Variants in MS4A13 observed in about 807,000 individuals in gnomAD.
MS4A13 encodes membrane-spanning 4-domains subfamily A member 13.
Under a neutral mutation model 18.4 loss-of-function variants are expected in MS4A13, and 21 were observed. The ratio of observed to expected loss-of-function variants is 1.14; its 90% CI spans 0.81 to 1.64. The LOEUF is 1.64. MS4A13 is among the 40% of genes most tolerant of loss of function. The pLI, the probability that MS4A13 is intolerant of heterozygous loss-of-function variation, is 0.00. For synonymous variants in MS4A13, 62 were observed against 57.2 expected (o/e 1.08, Z -0.38); for missense variants, 173 against 176.8 (o/e 0.98, Z 0.12).
chr11:60,535,529 TC>T (rs1424435013), intron 6 of MS4A13, among the ~76,000 whole-genome samples: 1 of 126,304 alleles, frequency 7.9e-6, no homozygotes, highest in Non-Finnish European at 1.6e-5. Context: ...GTGGCAATAA[TC>T]AATAGTTTAC....
intron 6 of MS4A13, among the ~76,000 whole-genome samples, chr11:60,531,995 C>T (rs574545491): frequency 6.6e-6 from 1 of 152,128 alleles, no homozygotes. Context: ...AAAATTGCTA[C>T]CATATATTAT....
At position 60,515,458 on chromosome 11, in the gene MS4A13, T is replaced by G. The variant is rs1439059965; in HGVS notation, c.-278T>G. ...TCCTGGCTATCCCTGTGATGGTAGC[T>G]CAGCGAGATCTGGGGACCTGGCGCT... On this transcript the variant is annotated 5_prime_UTR_variant, in exon 1 of 7. Coordinates refer to ENST00000378186, the MANE Select transcript of MS4A13 (RefSeq NM_001012417.3). The G allele has an allele frequency of 6.6e-6, 1 of 152,282 alleles. No homozygotes were observed. The highest frequency in any genetic ancestry group is 2.4e-5 in the African/African-American group (1 of 41,462). The allele number at this position is 152,282 out of a possible 1,614,324, so 9.4% of individuals were successfully genotyped here.
rs60140970 is a variant in MS4A13 at position 60,538,177 on chromosome 11, T to TTAAA, written c.403-4342_403-4341insTAAA. Among the ~76,000 whole-genome samples, 269 of 75,086 alleles carry TTAAA rather than the reference T, an allele frequency of 3.6e-3. 5 individuals are homozygous for TTAAA. The highest frequency in any genetic ancestry group is 0.017 in the Middle Eastern group (2 of 116). The allele number at this position is 75,086 out of a possible 152,430, so 49.3% of individuals were successfully genotyped here. A position where few individuals can be genotyped will look rare whatever the true frequency, so the allele number is the denominator to read the frequency against. On this transcript the variant is annotated intron_variant, in intron 6 of 6. Transcript: ENST00000378186. ...ATGTACCCTAAAACTTAAAGTATAA[T>TTAAA]AAAAAAAAAAAAAACGAAAAAAAAA... is the stretch of plus-strand genomic sequence containing the variant.
At chr11:60,528,534 C>T (rs1475104273) in intron 5 of MS4A13, among the ~76,000 whole-genome samples, 1 of 152,094 alleles carries the variant, frequency 6.6e-6, no homozygotes, top group Non-Finnish European at 1.5e-5. Flanking sequence ...CATTGCATTC[C>T]TATCATCTAA....
At chr11:60,529,527 A>T in intron 6 of MS4A13, 67 bp downstream of exon 6, 1 of 820,806 alleles carries the variant, frequency 1.2e-6, no homozygotes, top group Non-Finnish European at 1.9e-6. Flanking sequence ...CTCTATGAGA[A>T]GATGAAGTGC....
chr11:60,525,060 G>A, intron 4 of MS4A13, 147 bp from the exon 5 acceptor site: 2 of 538,886 alleles, frequency 3.7e-6, no homozygotes, highest in East Asian at 7.2e-5. Context: ...ATATAAATCA[G>A]AAAAATATTT....
chr11:60,520,543 C>T (rs2086666992), intron 3 of MS4A13, among the ~76,000 whole-genome samples: 1 of 152,160 alleles, frequency 6.6e-6, no homozygotes, highest in Non-Finnish European at 1.5e-5. Context: ...GTCTAAAATC[C>T]AGTGGGGCAG....
intron 5 of MS4A13, among the ~76,000 whole-genome samples, chr11:60,527,400 C>CTGTGTGTG (rs1555024353): frequency 3.4e-3 from 289 of 83,768 alleles, no homozygotes; most frequent in Non-Finnish European, 4.5e-3. Context: ...CTCTCTCTCT[C>CTGTGTGTG]TCTCTCTCTC....
intron 4 of MS4A13, among the ~76,000 whole-genome samples, chr11:60,524,911 C>G (rs1302466159): frequency 6.6e-6 from 1 of 152,088 alleles, no homozygotes; most frequent in East Asian, 1.9e-4. Context: ...CCACCCGTCT[C>G]GGCCTCCCAA....
At chr11:60,541,998 G>A (rs971746337) in intron 6 of MS4A13, among the ~76,000 whole-genome samples, 4 of 151,912 alleles carry the variant, frequency 2.6e-5, no homozygotes, top group Admixed American at 2.6e-4. Flanking sequence ...CTACTCGGGT[G>A]GCTGGGGCAT....
At chr11:60,517,142 C>T (rs1403428188) in intron 2 of MS4A13, among the ~76,000 whole-genome samples, 2 of 150,870 alleles carry the variant, frequency 1.3e-5, no homozygotes, top group Non-Finnish European at 2.9e-5. Context: ...AATTCTAAAT[C>T]TATAAAAATG....
chr11:60,532,462 A>G (rs998377935), intron 6 of MS4A13, among the ~76,000 whole-genome samples: 4 of 152,198 alleles, frequency 2.6e-5, no homozygotes, highest in Non-Finnish European at 4.4e-5. Flanking sequence ...CGCTTTTCAG[A>G]CCGGCTCAAA....
Position 60,542,534 on chromosome 11 carries a change from G to T in MS4A13, c.418G>T (p.Asp140Tyr). 1.9e-6 allele frequency: 3 copies of T among 1,609,852 alleles called. No individual in the cohort carries two copies. Among genetic ancestry groups the T allele is most frequent in the South Asian group, 1.1e-5 (1 of 90,352 alleles). Residue 140 changes from aspartate to tyrosine, a missense_variant, in exon 7 of 7, where the codon GAT (aspartate) becomes TAT (tyrosine). Transcript: ENST00000378186. ...SCSNLFRRQN[D>Y]LTSVTEEAES... ...TTTTTTCCAGTTTCGAAGACAAAAT[G>T]ATCTTACATCTGTTACTGAGGAAGC...
At chr11:60,542,320 GAAGA>G (rs915674313) in intron 6 of MS4A13, among the ~76,000 whole-genome samples, 195 bp from the exon 7 acceptor site, 58 of 150,734 alleles carry the variant, frequency 3.8e-4, no homozygotes, top group African/African-American at 8.8e-4. Context: ...GGGAGGAAGG[GAAGA>G]AAGAAAGAAA....
At chr11:60,526,740 C>A (rs536689740) in intron 5 of MS4A13, among the ~76,000 whole-genome samples, 48 of 152,326 alleles carry the variant, frequency 3.2e-4, no homozygotes, top group Admixed American at 2.5e-3. Context: ...GCTAAATCTA[C>A]AAAGTCATCA....
At chr11:60,529,255 CTTTTTT>C (rs10667098) in intron 5 of MS4A13, 104 bp from the exon 6 acceptor site, 61 of 172,208 alleles carry the variant, frequency 3.5e-4, no homozygotes, top group South Asian at 7.7e-4. Flanking sequence ...ATTTTCCTTC[CTTTTTT>C]TTTTTTTTTT....
chr11:60,538,717 T>C (rs2086832535), intron 6 of MS4A13, among the ~76,000 whole-genome samples: 1 of 147,002 alleles, frequency 6.8e-6, no homozygotes, highest in Admixed American at 6.9e-5. Flanking sequence ...TTTCACTTCC[T>C]GGGGTTACTC....
rs761596909 is a variant in MS4A13, at chr11:60,542,523, G to A, written c.407G>A (p.Arg136Gln). The A allele has an allele frequency of 1.6e-5, 26 of 1,606,194 alleles. No homozygotes were observed. Among genetic ancestry groups the A allele is most frequent in the African/African-American group, 5.4e-5 (4 of 74,504 alleles). ...HSIYSCSNLF[R>Q]RQNDLTSVTE... ...AAGAGGTTACTTTTTTTCCAGTTTC[G>A]AAGACAAAATGATCTTACATCTGTT... Residue 136 changes from arginine (R) to glutamine (Q), a missense_variant, in exon 7 of 7, where the codon CGA (arginine) becomes CAA (glutamine). Physicochemically the swap from Arg to Gln is conservative, Grantham distance 43 (BLOSUM62 1). Transcript: ENST00000378186.
chr11:60,528,883 T>G (rs2086739684), intron 5 of MS4A13, among the ~76,000 whole-genome samples: 1 of 152,258 alleles, frequency 6.6e-6, no homozygotes, highest in Admixed American at 6.5e-5. Flanking sequence ...ATTAATCATT[T>G]TAAATGATAT....
Sources: allele counts gnomAD v4.1 joint callset (sites outside exome capture counted in the v4.1 genomes callset), GRCh38; gene constraint gnomAD v4.1.1; transcripts MANE v1.5; gene names NCBI Gene and HGNC (gene_info 2026-07-23, HGNC 2026-07-21).